Variants in FBXW4 observed in about 807,000 individuals in gnomAD.
FBXW4 encodes the protein F-box/WD repeat-containing protein 4.
Under a neutral mutation model 61.8 loss-of-function variants are expected in FBXW4, and 40 were observed. That is an observed-to-expected ratio of 0.65 (90% CI 0.50 to 0.84). The LOEUF (loss-of-function observed/expected upper bound fraction) is 0.84, where lower values mean the gene tolerates loss of function less well. Ranked by LOEUF, FBXW4 falls within the 40% of genes least tolerant of loss-of-function variation. FBXW4 has a pLI of 0.00. For synonymous variants in FBXW4, 311 were observed against 313.8 expected (o/e 0.99, Z 0.10); for missense variants, 672 against 753.8 (o/e 0.89, Z 1.27).
At chr10:101,618,078 C>A (rs2063839808) in intron 6 of FBXW4, among the ~76,000 whole-genome samples, 1 of 152,206 alleles carries the variant, frequency 6.6e-6, no homozygotes, top group East Asian at 1.9e-4. Context: ...TCAGAGTGGC[C>A]CAGCCTGTGT....
intron 5 of FBXW4, among the ~76,000 whole-genome samples, chr10:101,656,796 C>A (rs1301801574): frequency 1.3e-5 from 2 of 152,162 alleles, no homozygotes; most frequent in Non-Finnish European, 2.9e-5. Flanking sequence ...GCAAAACATG[C>A]TCTAACATTA....
At chr10:101,629,720 AC>A (rs1344260991) in intron 5 of FBXW4, among the ~76,000 whole-genome samples, 1 of 151,426 alleles carries the variant, frequency 6.6e-6, no homozygotes, top group African/African-American at 2.4e-5. Flanking sequence ...TTATTATACC[AC>A]CCCTCGCCCA....
chr10:101,637,252 C>T (rs1226474393), intron 5 of FBXW4, among the ~76,000 whole-genome samples: 11 of 149,554 alleles, frequency 7.4e-5, no homozygotes, highest in Admixed American at 1.3e-4. Flanking sequence ...ATTAGCTGGG[C>T]GTGGTGGTGG....
intron 5 of FBXW4, among the ~76,000 whole-genome samples, chr10:101,650,342 T>C (rs2064135769): frequency 6.6e-6 from 1 of 152,168 alleles, no homozygotes; most frequent in South Asian, 2.1e-4. Flanking sequence ...CTGTCTGGTC[T>C]CTATTCTCTC....
At chr10:101,683,943 G>A (rs1200009450) in intron 1 of FBXW4, among the ~76,000 whole-genome samples, 1 of 152,168 alleles carries the variant, frequency 6.6e-6, no homozygotes, top group East Asian at 1.9e-4. Context: ...AATGCTTGGG[G>A]CTTGGAATTT....
intron 6 of FBXW4, 85 bp downstream of exon 6, chr10:101,624,660 T>C: frequency 6.8e-7 from 1 of 1,471,316 alleles, no homozygotes; most frequent in Non-Finnish European, 9.5e-7. Context: ...CCTGGACCAC[T>C]CAGCCAACTG....
intron 6 of FBXW4, 97 bp from the exon 7 acceptor site, chr10:101,612,574 T>C (rs576584891): frequency 3.1e-6 from 4 of 1,307,854 alleles, no homozygotes; most frequent in African/African-American, 1.5e-5. Flanking sequence ...AATGTTCTCT[T>C]TCCTCAGCTA....
intron 5 of FBXW4, among the ~76,000 whole-genome samples, chr10:101,641,378 A>G (rs2064051776): frequency 6.6e-6 from 1 of 152,186 alleles, no homozygotes; most frequent in Admixed American, 6.5e-5. Flanking sequence ...AAAAATACAC[A>G]TCCACAATCA....
chr10:101,636,852 G>A (rs1237846994), intron 5 of FBXW4, among the ~76,000 whole-genome samples: 1 of 151,938 alleles, frequency 6.6e-6, no homozygotes, highest in African/African-American at 2.4e-5. Context: ...GCCTCCCAAA[G>A]TGCTGGGATT....
chr10:101,612,254 C>A (rs1405696573), intron 7 of FBXW4, 83 bp downstream of exon 7: 1 of 1,378,964 alleles, frequency 7.3e-7, no homozygotes, highest in African/African-American at 1.5e-5. Context: ...GTGCCCTCTC[C>A]CATGGGCCAA....
chr10:101,663,605 G>A (rs1026063890), intron 5 of FBXW4, among the ~76,000 whole-genome samples: 5 of 151,148 alleles, frequency 3.3e-5, no homozygotes, highest in African/African-American at 1.2e-4. Context: ...ATATATAATT[G>A]TGCCACTGCA....
At chr10:101,633,747 G>A (rs575575935) in intron 5 of FBXW4, among the ~76,000 whole-genome samples, 1 of 151,660 alleles carries the variant, frequency 6.6e-6, no homozygotes, top group East Asian at 1.9e-4. Flanking sequence ...CAATAACCAA[G>A]TGTTATTATA....
intron 1 of FBXW4, among the ~76,000 whole-genome samples, chr10:101,690,187 T>G (rs552739040): frequency 6.6e-6 from 1 of 152,220 alleles, no homozygotes; most frequent in Non-Finnish European, 1.5e-5. Context: ...AATTTGCAGA[T>G]AGCGCTCCTG....
chr10:101,645,736 A>G (rs1401425978), intron 5 of FBXW4, among the ~76,000 whole-genome samples: 1 of 152,216 alleles, frequency 6.6e-6, no homozygotes, highest in African/African-American at 2.4e-5. Flanking sequence ...CAAGTCTTGA[A>G]TTCATTTTTT....
At chr10:101,641,425 G>GC (rs1310598248) in intron 5 of FBXW4, among the ~76,000 whole-genome samples, 1 of 152,044 alleles carries the variant, frequency 6.6e-6, no homozygotes, top group Non-Finnish European at 1.5e-5. Flanking sequence ...GTAACCCCAA[G>GC]CAACTCCTTT....
At chr10:101,672,860 C>A (rs543601350) in intron 4 of FBXW4, 55 bp downstream of exon 4, 340 of 1,588,736 alleles carry the variant, frequency 2.1e-4, no homozygotes, top group Non-Finnish European at 2.8e-4. Flanking sequence ...GATCTATCCA[C>A]CCCCTCCCTA....
At position 101,694,842 on chromosome 10, in the gene FBXW4, G is replaced by A; in HGVS notation, c.264C>T (p.Gly88=). ...CTCTCGCCCCTTCCTCCACGCTTCT[G>A]CCTCCCTCTGCTTCCTCCCTTGGGC... ...RACPREEAEG[G]RSVEEGARGI... is the part of the protein sequence containing the mutation. Residue 88 remains glycine, a synonymous_variant, in exon 1 of 9, where the codon GGC becomes GGT. Transcript: ENST00000331272. This position sits in a 1 kb window ranked among gnomAD's most constrained non-coding sequence, Gnocchi z 6.0. 7.8e-7 allele frequency: 1 copy of A among 1,288,404 alleles called. No individual in the cohort carries two copies. The allele number at this position is 1,288,404 out of a possible 1,614,324, so 79.8% of individuals were successfully genotyped here.
chr10:101,613,725 A>G (rs566158802), intron 6 of FBXW4, among the ~76,000 whole-genome samples: 158 of 152,296 alleles, frequency 1.0e-3, no homozygotes, highest in Non-Finnish European at 1.5e-3. Context: ...AAGGAATCAA[A>G]GGAGGAGACT....
chr10:101,647,525 T>C (rs1172571142), intron 5 of FBXW4, among the ~76,000 whole-genome samples: 1 of 152,028 alleles, frequency 6.6e-6, no homozygotes, highest in Non-Finnish European at 1.5e-5. Context: ...TTGGAATCGA[T>C]TTTTTTTCCC....
Sources: gnomAD v4.1 joint callset for allele counts (sites outside exome capture counted in the v4.1 genomes callset) on GRCh38, gnomAD v4.1.1 for gene constraint, Gnocchi (gnomAD v3.1) non-coding constraint, MANE v1.5 for transcripts, NCBI Gene and HGNC (gene_info 2026-07-23, HGNC 2026-07-21) for gene names.